Variants in BEND2 observed in about 807,000 individuals in gnomAD.
The protein encoded by BEND2 is BEN domain-containing protein 2.
BEND2 carries 19 observed loss-of-function variants against 43.8 expected under a neutral mutation model. The ratio of observed to expected loss-of-function variants is 0.43; its 90% CI spans 0.30 to 0.64. The LOEUF (loss-of-function observed/expected upper bound fraction) is 0.64. BEND2 is among the 30% of genes least tolerant of loss of function. The pLI is 0.11. For synonymous variants in BEND2, 226 were observed against 210.1 expected (o/e 1.08, Z -0.66); for missense variants, 544 against 574.0 (o/e 0.95, Z 0.53).
intron 4 of BEND2, among the ~76,000 whole-genome samples, chrX:18,205,559 T>C (rs1363969991): frequency 1.1e-5 from 1 of 92,669 alleles, no homozygotes; most frequent in Non-Finnish European, 2.0e-5. Context: ...TGAGCCATGA[T>C]TGTGCCACTG....
Position 18,175,979 on chromosome X carries a change from C to G in BEND2, c.1745G>C (p.Ser582Thr). 1 of 1,189,114 alleles carries G rather than the reference C, an allele frequency of 8.4e-7. No homozygotes were observed. Among genetic ancestry groups the G allele is most frequent in the Non-Finnish European group, 1.1e-6 (1 of 883,169 alleles). ...AGATGAAAAATAACTTACTGGAGTA[C>G]TCTTGCCTTCAGAACATAAACAGTA... The part of the protein sequence containing the change: ...MIYCLCSEGK[S>T]TPKTVRKNKK... The change falls in exon 11 of 14, where the codon AGT becomes ACT. Residue 582 changes from serine to threonine, a missense_variant. Around this residue, in one of 2 missense-constraint regions of BEND2, gnomAD observed 501 missense variants for 501.6 expected, o/e 1.00. Coordinates refer to ENST00000380033, the MANE Select transcript of BEND2 (RefSeq NM_153346.5).
chrX:18,169,400 C>T (rs1376870489), intron 13 of BEND2, among the ~76,000 whole-genome samples: 1 of 110,479 alleles, frequency 9.1e-6, no homozygotes, highest in African/African-American at 3.3e-5. Flanking sequence ...TGTCTATTAT[C>T]GGTGATGGGG....
intron 7 of BEND2, among the ~76,000 whole-genome samples, chrX:18,193,899 C>T (rs1429462488): frequency 9.0e-6 from 1 of 111,402 alleles, no homozygotes; most frequent in Non-Finnish European, 1.9e-5. Flanking sequence ...GCAACTCTTT[C>T]AAGTACTGAA....
At position 18,219,891 on chromosome X, in the gene BEND2, G is replaced by A. The variant is rs533651187; in HGVS notation, c.25+835C>T. On this transcript the variant is annotated intron_variant, in intron 1 of 13. Transcript: ENST00000380033. The stretch of plus-strand genomic sequence containing the variant: ...CCTGCACTCCCACCTGGGCACCAGA[G>A]CAAGACTCTGTCTGAAAACAAAACA... Among the ~76,000 whole-genome samples, 55 of 109,629 alleles carry A rather than the reference G, an allele frequency of 5.0e-4. No homozygotes were observed. The South Asian group carries it at 0.021, about 41-fold the overall frequency.
In BEND2 at chrX:18,163,057, A is replaced by C. The variant is rs1235561948; in HGVS notation, c.*1952T>G. 1 of 112,402 alleles carries C rather than the reference A, an allele frequency of 8.9e-6. No homozygotes were observed. Among genetic ancestry groups the C allele is most frequent in the African/African-American group, 3.2e-5 (1 of 30,945 alleles). 9.3% of individuals were successfully genotyped at this position (112,402 alleles called of 1,213,427 possible). Reference sequence around the variant, plus strand: ...ATGTTTAACATTGGACTAATACAGTAATAGTATTAACTTGTGAAATTTTGA... The same window carrying C: ...ATGTTTAACATTGGACTAATACAGTCATAGTATTAACTTGTGAAATTTTGA... On this transcript the variant is annotated 3_prime_UTR_variant, in exon 14 of 14. Coordinates refer to ENST00000380033, the MANE Select transcript of BEND2 (RefSeq NM_153346.5).
intron 12 of BEND2, among the ~76,000 whole-genome samples, chrX:18,171,878 AATACTT>A (rs1923988261): frequency 8.9e-6 from 1 of 111,967 alleles, no homozygotes; most frequent in Non-Finnish European, 1.9e-5. Context: ...TTCTTCCTGA[AATACTT>A]ATAATTTTTA....
chrX:18,202,371 A>G (rs1027389020), intron 5 of BEND2, among the ~76,000 whole-genome samples: 2 of 112,419 alleles, frequency 1.8e-5, no homozygotes, highest in African/African-American at 3.2e-5. Flanking sequence ...GTTTGAAGGT[A>G]TCCTTTCCAA....
chrX:18,186,938 G>A (rs367836440), intron 8 of BEND2, among the ~76,000 whole-genome samples: 3 of 105,104 alleles, frequency 2.9e-5, no homozygotes, highest in Non-Finnish European at 5.8e-5. Context: ...CTGCACTCCC[G>A]CCTGGGCAAC....
intron 6 of BEND2, among the ~76,000 whole-genome samples, chrX:18,197,567 C>T (rs985563222): frequency 1.1e-4 from 12 of 111,856 alleles, no homozygotes; most frequent in East Asian, 2.8e-4. Flanking sequence ...GGTGTGAGGC[C>T]GGCAGATGAA....
intron 8 of BEND2, among the ~76,000 whole-genome samples, chrX:18,185,490 CA>C (rs1214238183): frequency 1.9e-5 from 2 of 107,459 alleles, no homozygotes; most frequent in Non-Finnish European, 3.8e-5. Flanking sequence ...GAGATCACGC[CA>C]CTGCACTCCA....
intron 8 of BEND2, among the ~76,000 whole-genome samples, chrX:18,180,918 G>A (rs748329828): frequency 1.8e-5 from 2 of 109,682 alleles, no homozygotes; most frequent in South Asian, 4.0e-4. Context: ...GGAATTACAC[G>A]CACCCACCAC....
chrX:18,166,240 C>T (rs1307133364), intron 13 of BEND2, among the ~76,000 whole-genome samples: 1 of 112,007 alleles, frequency 8.9e-6, no homozygotes, highest in Non-Finnish European at 1.9e-5. Context: ...CACTGGAAGA[C>T]AAATACAGCG....
chrX:18,179,575 C>CA (rs1018414222), intron 9 of BEND2, among the ~76,000 whole-genome samples: 5 of 111,359 alleles, frequency 4.5e-5, no homozygotes, highest in African/African-American at 1.3e-4. Flanking sequence ...CCCATCCCCC[C>CA]ACCAATGTGT....
intron 8 of BEND2, among the ~76,000 whole-genome samples, chrX:18,186,967 GAA>G (rs764383363): frequency 4.8e-5 from 4 of 83,246 alleles, no homozygotes; most frequent in Non-Finnish European, 4.7e-5. Context: ...ACCCTGTCTG[GAA>G]AAAAAAAAAA....
At chrX:18,165,598 A>G (rs986108787) in intron 13 of BEND2, among the ~76,000 whole-genome samples, 20 of 112,093 alleles carry the variant, frequency 1.8e-4, no homozygotes, top group African/African-American at 6.5e-4. Flanking sequence ...TGCAATGAAC[A>G]AGAGGCTGCA....
At position 18,204,000 on chromosome X, in the gene BEND2, A is replaced by G. The variant is rs184394769; in HGVS notation, c.493-85T>C. The G allele has an allele frequency of 1.2e-5, 11 of 929,651 alleles. No homozygotes were observed. In the Admixed American group the frequency reaches 3.5e-4, roughly 29 times the overall value. 76.6% of individuals were successfully genotyped at this position (929,651 alleles called of 1,213,427 possible). On this transcript the variant is annotated intron_variant, in intron 4 of 13. Transcript: ENST00000380033. ...TTTCTCCATGAGACATACAATCAAA[A>G]CTTTTTTGTGTAAATCCAGACGACC... is the stretch of plus-strand genomic sequence containing the variant.
intron 1 of BEND2, among the ~76,000 whole-genome samples, chrX:18,217,627 G>T (rs1051320078): frequency 1.8e-5 from 2 of 111,073 alleles, no homozygotes; most frequent in African/African-American, 3.3e-5. Context: ...AAAAAGTGGG[G>T]TTTTTTTAAG....
chrX:18,186,838 G>C (rs977549909), intron 8 of BEND2, among the ~76,000 whole-genome samples: 7 of 108,878 alleles, frequency 6.4e-5, no homozygotes. Flanking sequence ...ATGGGGACAC[G>C]TGCCTGTAGT....
At position 18,203,618 on chromosome X, in the gene BEND2, G is replaced by A; in HGVS notation, c.790C>T (p.Arg264Ter). 8.3e-7 allele frequency: 1 copy of A among 1,210,961 alleles called. No individual in the cohort carries two copies. The highest frequency in any genetic ancestry group is 1.1e-6 in the Non-Finnish European group (1 of 894,841). ...TTAVPMAVLS[R>*]RESSLANNPG... Reference sequence around the variant, plus strand: ...TTATTTGCCAGACTGGATTCTCTTCGTGACAGAACTGCCATAGGTACTGCT... The same window carrying A: ...TTATTTGCCAGACTGGATTCTCTTCATGACAGAACTGCCATAGGTACTGCT... Residue 264 changes from arginine to a stop codon, truncating the protein, a stop_gained, in exon 5 of 14, where the codon CGA (arginine) becomes TGA (stop). Coordinates refer to ENST00000380033, the MANE Select transcript of BEND2 (RefSeq NM_153346.5). LOFTEE classifies it high-confidence loss of function.
Sources: allele counts gnomAD v4.1 joint callset (sites outside exome capture counted in the v4.1 genomes callset), GRCh38; gene constraint gnomAD v4.1.1; regional missense constraint gnomAD v4.1.1; transcripts MANE v1.5; gene names NCBI Gene and HGNC (gene_info 2026-07-23, HGNC 2026-07-21).